FSHR: variants seen among roughly 807,000 people sequenced by gnomAD.
The protein encoded by FSHR is follicle-stimulating hormone receptor.
In FSHR, 46 loss-of-function variants were observed where a neutral mutation model predicts 52.1. That is an observed-to-expected ratio of 0.88 (90% CI 0.70 to 1.13). The LOEUF (loss-of-function observed/expected upper bound fraction) is 1.13. FSHR is among the 50% of genes most tolerant of loss of function. The pLI, the probability that FSHR is intolerant of heterozygous loss-of-function variation, is 0.00. For missense variants in FSHR, 964 were observed against 834.6 expected (o/e 1.16, Z -1.91); for synonymous variants, 399 against 309.6 (o/e 1.29, Z -3.03).
intron 1 of FSHR, among the ~76,000 whole-genome samples, chr2:49,081,885 A>G (rs1452467496): frequency 6.6e-6 from 1 of 152,174 alleles, no homozygotes; most frequent in Non-Finnish European, 1.5e-5. Flanking sequence ...TTCCATAGAA[A>G]GCTTTCTGGC....
intron 8 of FSHR, among the ~76,000 whole-genome samples, chr2:48,969,652 C>G (rs897580472): frequency 2.0e-5 from 3 of 152,194 alleles, no homozygotes; most frequent in Non-Finnish European, 4.4e-5. Context: ...TGTCTGGCAA[C>G]TATTCTTAGT....
At chr2:49,025,234 A>G (rs1667876475) in intron 2 of FSHR, among the ~76,000 whole-genome samples, 2 of 152,168 alleles carry the variant, frequency 1.3e-5, no homozygotes, top group Admixed American at 6.6e-5. Context: ...TGTTCAACGA[A>G]TTTTGATTAA....
chr2:48,992,736 G>T (rs1005085865), intron 4 of FSHR, among the ~76,000 whole-genome samples: 13 of 151,954 alleles, frequency 8.6e-5, no homozygotes, highest in African/African-American at 2.9e-4. Context: ...TTTGGGTCTG[G>T]CTTCTTTCAC....
At chr2:49,115,951 T>A (rs1265242141) in intron 1 of FSHR, among the ~76,000 whole-genome samples, 8 of 152,160 alleles carry the variant, frequency 5.3e-5, no homozygotes, top group African/African-American at 1.9e-4. Context: ...CTTGAAGCTT[T>A]CTGAGAGGAG....
At chr2:49,090,650 T>C (rs1467198320) in intron 1 of FSHR, among the ~76,000 whole-genome samples, 4 of 152,214 alleles carry the variant, frequency 2.6e-5, no homozygotes, top group Non-Finnish European at 5.9e-5. Context: ...AATTACTGGG[T>C]CACATGATAA....
At chr2:49,150,125 G>C (rs544948357) in intron 1 of FSHR, among the ~76,000 whole-genome samples, 25 of 152,058 alleles carry the variant, frequency 1.6e-4, no homozygotes, top group African/African-American at 5.3e-4. Flanking sequence ...TCCACTGACT[G>C]CCTCTAGGTG....
intron 4 of FSHR, 86 bp from the exon 5 acceptor site, chr2:48,990,723 A>G: frequency 2.3e-6 from 2 of 857,796 alleles, no homozygotes; most frequent in Non-Finnish European, 2.0e-6. Flanking sequence ...GAATAAAAAT[A>G]TCAATTTTGA....
At chr2:49,034,375 C>T (rs1261543763) in intron 2 of FSHR, among the ~76,000 whole-genome samples, 1 of 152,206 alleles carries the variant, frequency 6.6e-6, no homozygotes, top group Non-Finnish European at 1.5e-5. Flanking sequence ...ATGTGGTTAA[C>T]TTCCCCAAAT....
rs115609580 is a variant in FSHR, at chr2:48,977,314, C to T, written c.668+5598G>A. Among the ~76,000 whole-genome samples the T allele has an allele frequency of 7.4e-3, 1,124 of 152,244 alleles. 16 individuals carry two copies. Among genetic ancestry groups the T allele is most frequent in the African/African-American group, 0.026 (1,082 of 41,548 alleles). On this transcript the variant is annotated intron_variant, in intron 8 of 9. Coordinates refer to ENST00000406846, the MANE Select transcript of FSHR (RefSeq NM_000145.4). ...GGAACCATGGGACGGGATTAGATCT[C>T]TGAGCCTTGATAGTCATGCAGAAGA...
At chr2:49,111,887 A>G (rs1671437120) in intron 1 of FSHR, among the ~76,000 whole-genome samples, 1 of 152,206 alleles carries the variant, frequency 6.6e-6, no homozygotes, top group Non-Finnish European at 1.5e-5. Flanking sequence ...TTACAAAGTG[A>G]TTCCATGTGG....
chr2:49,119,510 C>G (rs1364351914), intron 1 of FSHR, among the ~76,000 whole-genome samples: 2 of 152,054 alleles, frequency 1.3e-5, no homozygotes, highest in African/African-American at 2.4e-5. Context: ...TATCCAGCAC[C>G]TGAAAAATTT....
chr2:49,131,618 T>A (rs1672281503), intron 1 of FSHR, among the ~76,000 whole-genome samples: 1 of 152,196 alleles, frequency 6.6e-6, no homozygotes, highest in South Asian at 2.1e-4. Context: ...AACTGCATTA[T>A]TTCTTGCTGT....
Position 49,117,526 on chromosome 2 carries a change from T to A in FSHR, c.152+36740A>T, listed in dbSNP as rs527407305. Among the ~76,000 whole-genome samples, 3 of 152,340 alleles carry A rather than the reference T, an allele frequency of 2.0e-5. No individual in the cohort carries two copies. In the South Asian group the frequency reaches 6.2e-4, roughly 32 times the overall value. On this transcript the variant is annotated intron_variant, in intron 1 of 9. Coordinates refer to ENST00000406846, the MANE Select transcript of FSHR (RefSeq NM_000145.4). ...AAAAATTAGCAGCTGCTCCTGTTTA[T>A]GCTGAGGAGCTATAAGAGTTCCGAA...
Position 48,984,634 on chromosome 2 carries a change from G to A in FSHR, c.525-1468C>T, listed in dbSNP as rs144548416. ...CCTAATATTGAGAAGAGAATTTTTAGTGGGGGATAACATTTTGCTTAACTT... is the reference window on the plus strand; with the variant it reads ...CCTAATATTGAGAAGAGAATTTTTAATGGGGGATAACATTTTGCTTAACTT... On this transcript the variant is annotated intron_variant, in intron 6 of 9. Coordinates refer to ENST00000406846, the MANE Select transcript of FSHR (RefSeq NM_000145.4). Among the ~76,000 whole-genome samples, 13 of 151,044 alleles carry A rather than the reference G, an allele frequency of 8.6e-5. 1 individual carries two copies. The East Asian group carries it at 2.5e-3, about 29-fold the overall frequency.
intron 1 of FSHR, among the ~76,000 whole-genome samples, chr2:49,081,246 G>T (rs1670159052): frequency 6.6e-6 from 1 of 151,986 alleles, no homozygotes; most frequent in African/African-American, 2.4e-5. Context: ...GATTAAAGAT[G>T]CATATATATC....
At chr2:49,068,551 G>C (rs957052150) in intron 1 of FSHR, among the ~76,000 whole-genome samples, 1 of 152,064 alleles carries the variant, frequency 6.6e-6, no homozygotes, top group East Asian at 1.9e-4. Flanking sequence ...ATACATGACA[G>C]AGATGGAATA....
intron 9 of FSHR, among the ~76,000 whole-genome samples, chr2:48,964,348 T>A (rs1178051717): frequency 6.6e-6 from 1 of 152,110 alleles, no homozygotes; most frequent in Non-Finnish European, 1.5e-5. Context: ...TAGGACATAT[T>A]CCTATTCGTC....
chr2:49,119,878 G>T (rs552755818), intron 1 of FSHR, among the ~76,000 whole-genome samples: 1 of 152,310 alleles, frequency 6.6e-6, no homozygotes, highest in South Asian at 2.1e-4. Flanking sequence ...ACTAATAATA[G>T]TCTCTACATT....
intron 1 of FSHR, among the ~76,000 whole-genome samples, chr2:49,094,539 C>G (rs1259051131): frequency 2.0e-5 from 3 of 152,176 alleles, no homozygotes; most frequent in African/African-American, 4.8e-5. Flanking sequence ...TATTTTACCT[C>G]TATTTTTGAA....
Sources: allele counts gnomAD v4.1 joint callset (sites outside exome capture counted in the v4.1 genomes callset), GRCh38; gene constraint gnomAD v4.1.1; transcripts MANE v1.5; gene names NCBI Gene and HGNC (gene_info 2026-07-23, HGNC 2026-07-21).